TP53BP1: variants seen among roughly 807,000 people sequenced by gnomAD.
The protein encoded by TP53BP1 is TP53-binding protein 1.
In TP53BP1, 61 loss-of-function variants were observed where a neutral mutation model predicts 200.8. The observed-to-expected ratio is 0.30, with a 90% CI of 0.25 to 0.38. The LOEUF is 0.38. Among genes scored for constraint, TP53BP1 ranks in the 10% least tolerant of loss-of-function variants. TP53BP1 has a pLI of 1.00. For missense variants in TP53BP1, 2,144 were observed against 2,371.9 expected (o/e 0.90, Z 2.00); for synonymous variants, 822 against 844.3 (o/e 0.97, Z 0.46).
chr15:43,470,534 T>C (rs1430495333), intron 10 of TP53BP1, among the ~76,000 whole-genome samples: 1 of 152,198 alleles, frequency 6.6e-6, no homozygotes, highest in Non-Finnish European at 1.5e-5. Flanking sequence ...GCATTAACAA[T>C]TGCTAACTGC....
intron 18 of TP53BP1, among the ~76,000 whole-genome samples, chr15:43,426,362 C>A (rs929514486): frequency 1.4e-5 from 2 of 146,270 alleles, no homozygotes; most frequent in East Asian, 4.1e-4. Flanking sequence ...ATCGCTTGAA[C>A]CCAGGAGACA....
At chr15:43,486,142 T>G (rs1452608184) in intron 4 of TP53BP1, among the ~76,000 whole-genome samples, 1 of 151,778 alleles carries the variant, frequency 6.6e-6, no homozygotes, top group Non-Finnish European at 1.5e-5. Flanking sequence ...TTTGGGAGGC[T>G]GAGGGGGGTG....
intron 12 of TP53BP1, among the ~76,000 whole-genome samples, chr15:43,453,920 G>C (rs1329615421): frequency 6.6e-6 from 1 of 151,814 alleles, no homozygotes; most frequent in African/African-American, 2.4e-5. Context: ...AAATGGGACT[G>C]TTCTAGGCTG....
chr15:43,465,397 C>T (rs959089531), intron 11 of TP53BP1, among the ~76,000 whole-genome samples: 6 of 151,866 alleles, frequency 4.0e-5, no homozygotes, highest in Admixed American at 6.6e-5. Flanking sequence ...TGAATTACAT[C>T]TCAATATAGC....
chr15:43,447,619 G>A, intron 12 of TP53BP1, 134 bp from the exon 13 acceptor site: 2 of 896,070 alleles, frequency 2.2e-6, no homozygotes, highest in Non-Finnish European at 3.2e-6. Context: ...CCCAAATTCT[G>A]TCTCATTGCC....
intron 11 of TP53BP1, among the ~76,000 whole-genome samples, chr15:43,461,232 T>TA (rs201619860): frequency 7.0e-6 from 1 of 141,874 alleles, no homozygotes; most frequent in African/African-American, 3.1e-5. Flanking sequence ...TATTTTATTT[T>TA]TTTTTTGAGA....
rs754956432 is a variant in TP53BP1 at position 43,407,404 on chromosome 15, T to A, written c.5913A>T (p.Lys1971Asn). 4.3e-6 allele frequency: 7 copies of A among 1,614,060 alleles called. No homozygotes were observed. Among genetic ancestry groups the A allele is most frequent in the Non-Finnish European group, 5.1e-6 (6 of 1,179,972 alleles). ...ATCTTTAGTGAGAAACATAATCGTG[T>A]TTATATTTTGGATGCTGCTTGAATC... ...RIGFKQHPKY[K>N]HDYVSH The change falls in exon 28 of 28, where the codon AAA becomes AAT. Residue 1971 changes from lysine to asparagine, a missense_variant. Physicochemically the swap from Lys to Asn is moderately conservative, Grantham distance 94 (BLOSUM62 0). This residue lies in a region of TP53BP1 where 334 missense variants were observed against 453.4 expected (regional missense o/e 0.74). Transcript: ENST00000382044.
At chr15:43,447,132 C>A (rs2143005430) in intron 13 of TP53BP1, 1 of 512,168 alleles carries the variant, frequency 2.0e-6, no homozygotes, top group South Asian at 2.1e-5. Flanking sequence ...AGATAAAATT[C>A]TTTTAAGTAT....
Position 43,465,803 on chromosome 15 carries a change from TTGTTG to T in TP53BP1, c.1389+4050_1389+4054del, listed in dbSNP as rs1200426158. Reference sequence around the variant, plus strand: ...TGCCTTCACACTGTTTTGTTTTTTGTTGTTGTTGTTGTTGTTGTTTTGTTTTGTTT... The same window carrying T: ...TGCCTTCACACTGTTTTGTTTTTTGTTTGTTGTTGTTGTTTTGTTTTGTTT... On this transcript the variant is annotated intron_variant, in intron 11 of 27. Transcript: ENST00000382044. Among the ~76,000 whole-genome samples, 532 of 86,134 alleles carry T rather than the reference TTGTTG, an allele frequency of 6.2e-3. 13 individuals are homozygous for T. The East Asian group carries it at 0.14, about 23-fold the overall frequency. 56.5% of individuals were successfully genotyped at this position (86,134 alleles called of 152,430 possible).
At chr15:43,446,780 A>G in intron 13 of TP53BP1, 190 bp from the exon 14 acceptor site, 3 of 1,512,624 alleles carry the variant, frequency 2.0e-6, no homozygotes, top group Middle Eastern at 3.9e-4. Flanking sequence ...TCTTAAGAGG[A>G]GCAACAGGAT....
At chr15:43,477,481 A>C in intron 8 of TP53BP1, 112 bp downstream of exon 8, 1 of 1,079,154 alleles carries the variant, frequency 9.3e-7, no homozygotes. Context: ...TCCATATCAC[A>C]AACAAGTCTG....
chr15:43,466,209 G>T (rs36078097), intron 11 of TP53BP1, among the ~76,000 whole-genome samples: 2 of 151,964 alleles, frequency 1.3e-5, no homozygotes, highest in African/African-American at 2.4e-5. Flanking sequence ...GACAGTGAAC[G>T]GAGGTTAACA....
chr15:43,403,542 C>CA lies in TP53BP1; in HGVS notation c.*3840dup, dbSNP rs2044747782. ...GCGTCTGAGGGGCTGGCAGGCCTTG[C>CA]ACGTGGCAGTGTCTATCCTGTCAGA... On this transcript the variant is annotated 3_prime_UTR_variant, in exon 28 of 28. Transcript: ENST00000382044. 9 of 632,884 alleles carry CA rather than the reference C, an allele frequency of 1.4e-5. No homozygotes were observed. The South Asian group carries it at 1.7e-4, about 12-fold the overall frequency. The allele number at this position is 632,884 out of a possible 1,614,324, so 39.2% of individuals were successfully genotyped here.
At chr15:43,494,070 T>A (rs957717703), upstream of TP53BP1, among the ~76,000 whole-genome samples, 14 of 152,066 alleles carry the variant, frequency 9.2e-5, no homozygotes, top group African/African-American at 3.4e-4. Context: ...GGCATATGTG[T>A]TTGTTTTGTT....
intron 21 of TP53BP1, among the ~76,000 whole-genome samples, chr15:43,419,364 G>A (rs1287405504): frequency 6.6e-6 from 1 of 151,776 alleles, no homozygotes; most frequent in Non-Finnish European, 1.5e-5. Flanking sequence ...CACCTCTGTG[G>A]CATATTTTTT....
At chr15:43,474,988 CA>C (rs1191515601) in intron 9 of TP53BP1, among the ~76,000 whole-genome samples, 2 of 152,010 alleles carry the variant, frequency 1.3e-5, no homozygotes, top group Non-Finnish European at 2.9e-5. Context: ...AGAACTTTTT[CA>C]AAAAGAGAGT....
At chr15:43,491,816 A>G in intron 3 of TP53BP1, 63 bp from the exon 4 acceptor site, 2 of 1,373,934 alleles carry the variant, frequency 1.5e-6, no homozygotes, top group Non-Finnish European at 2.1e-6. Flanking sequence ...ATACAAAATC[A>G]GGAATACAGA....
intron 13 of TP53BP1, 47 bp from the exon 14 acceptor site, chr15:43,446,637 C>A (rs1300520161): frequency 6.3e-7 from 1 of 1,594,004 alleles, no homozygotes; most frequent in Admixed American, 1.7e-5. Flanking sequence ...CACTAAAATA[C>A]AAACACAAAA....
At chr15:43,450,915 C>T (rs1595570375) in intron 12 of TP53BP1, among the ~76,000 whole-genome samples, 1 of 152,130 alleles carries the variant, frequency 6.6e-6, no homozygotes, top group African/African-American at 2.4e-5. Context: ...CGCCCTGTTG[C>T]GCAGGCTAAA....
Sources: allele counts gnomAD v4.1 joint callset (sites outside exome capture counted in the v4.1 genomes callset), GRCh38; gene constraint gnomAD v4.1.1; regional missense constraint gnomAD v4.1.1; transcripts MANE v1.5; gene names NCBI Gene and HGNC (gene_info 2026-07-23, HGNC 2026-07-21).